Variants in SORCS3 observed in about 807,000 individuals in gnomAD.
SORCS3 encodes VPS10 domain-containing receptor SorCS3.
A neutral mutation model predicts 146.3 loss-of-function variants in SORCS3; 57 were observed. The ratio of observed to expected loss-of-function variants is 0.39; its 90% CI spans 0.31 to 0.49. SORCS3 has a LOEUF of 0.49. SORCS3 is among the 20% of genes least tolerant of loss of function. The pLI, the probability that SORCS3 is intolerant of heterozygous loss-of-function variation, is 0.92. For synonymous variants in SORCS3, 653 were observed against 618.5 expected, an observed-to-expected ratio of 1.06 and a Z score of -0.83; for missense variants, 1,341 against 1,575.5, an observed-to-expected ratio of 0.85 and a Z score of 2.52.
At chr10:105,164,272 G>A in intron 11 of SORCS3, 31 bp from the exon 12 acceptor site, 1 of 1,573,742 alleles carries the variant, frequency 6.4e-7, no homozygotes, top group Non-Finnish European at 8.7e-7. Context: ...GTAAACTCCT[G>A]ACAATCTCAA....
rs901250303 is a variant in SORCS3, at chr10:104,972,120, C to A, written c.796-5215C>A. The stretch of plus-strand genomic sequence containing the variant: ...TTGGGAAGTGGAGGCAGGCAGATCA[C>A]TTGAGGCCAGGAGTTCGAGACCAGC... On this transcript the variant is annotated intron_variant, in intron 3 of 26. Transcript: ENST00000369701. Among the ~76,000 whole-genome samples the A allele has an allele frequency of 2.0e-5, 3 of 152,222 alleles. No homozygotes were observed. In the South Asian group the frequency reaches 6.2e-4, roughly 32 times the overall value.
chr10:104,804,432 C>T (rs937570288), intron 1 of SORCS3, among the ~76,000 whole-genome samples: 5 of 152,148 alleles, frequency 3.3e-5, no homozygotes, highest in South Asian at 4.1e-4. Context: ...AGTTTTCTTC[C>T]TTCCTTATTC....
chr10:105,139,342 C>T, intron 7 of SORCS3, 55 bp from the exon 8 acceptor site: 2 of 1,325,726 alleles, frequency 1.5e-6, no homozygotes, highest in Non-Finnish European at 2.2e-6. Context: ...TACTTTCCAA[C>T]TTGTGCATGA....
intron 1 of SORCS3, among the ~76,000 whole-genome samples, chr10:104,652,126 G>A (rs1287056520): frequency 2.0e-5 from 3 of 151,784 alleles, no homozygotes; most frequent in Non-Finnish European, 2.9e-5. Flanking sequence ...TAAGGAGAGA[G>A]CCTGCAAGTA....
chr10:105,139,169 G>A (rs1458087507), intron 7 of SORCS3, among the ~76,000 whole-genome samples: 1 of 152,234 alleles, frequency 6.6e-6, no homozygotes, highest in African/African-American at 2.4e-5. Flanking sequence ...TTCTGAGGGA[G>A]AATCTGCCAG....
intron 3 of SORCS3, among the ~76,000 whole-genome samples, chr10:104,973,496 G>C (rs1013587424): frequency 4.2e-4 from 64 of 152,140 alleles, no homozygotes; most frequent in Admixed American, 1.5e-3. Context: ...GGTGTTTGTA[G>C]TATTCTCTGA....
intron 3 of SORCS3, among the ~76,000 whole-genome samples, chr10:104,956,565 T>C (rs1479050020): frequency 6.6e-6 from 1 of 152,066 alleles, no homozygotes; most frequent in Admixed American, 6.6e-5. Flanking sequence ...CATCATCTCC[T>C]CTCAACCCAC....
chr10:105,190,753 T>G (rs1253953423), intron 14 of SORCS3, among the ~76,000 whole-genome samples: 1 of 152,144 alleles, frequency 6.6e-6, no homozygotes, highest in African/African-American at 2.4e-5. Flanking sequence ...GATCTACTGT[T>G]TGCAAAGTCT....
chr10:105,153,470 A>T (rs1337360196), intron 9 of SORCS3, among the ~76,000 whole-genome samples: 1 of 152,154 alleles, frequency 6.6e-6, no homozygotes, highest in Non-Finnish European at 1.5e-5. Flanking sequence ...TAGGAGTAGG[A>T]TTGCTGAGTT....
At chr10:104,995,288 T>A (rs2055018535) in intron 4 of SORCS3, among the ~76,000 whole-genome samples, 2 of 151,854 alleles carry the variant, frequency 1.3e-5, no homozygotes, top group South Asian at 4.2e-4. Flanking sequence ...GCCTCCTGAG[T>A]AGCTGGGATC....
At chr10:104,764,018 A>G (rs1376399156) in intron 1 of SORCS3, among the ~76,000 whole-genome samples, 1 of 94,514 alleles carries the variant, frequency 1.1e-5, no homozygotes, top group Admixed American at 1.1e-4. Context: ...TTTTTTTTTT[A>G]ATGAATTACC....
intron 1 of SORCS3, chr10:104,822,160 A>G: frequency 2.0e-6 from 1 of 508,414 alleles, no homozygotes; most frequent in Non-Finnish European, 3.9e-6. Context: ...CTGTATCTGT[A>G]TCTGACAGTC....
In SORCS3 at chr10:105,044,686, G is replaced by GTT. The variant is rs113560691; in HGVS notation, c.1028+1568_1028+1569dup. Among the ~76,000 whole-genome samples the GTT allele has an allele frequency of 5.1e-3, 737 of 145,534 alleles. 7 individuals are homozygous for GTT. The highest frequency in any genetic ancestry group is 0.017 in the African/African-American group (696 of 40,066). Reference sequence around the variant, plus strand: ...CTAAGCATTCTATGAAAAATCAACTGTTTTTTTTTTTGTTTTGTTGTTTTG... The same window carrying GTT: ...CTAAGCATTCTATGAAAAATCAACTGTTTTTTTTTTTTTGTTTTGTTGTTTTG... On this transcript the variant is annotated intron_variant, in intron 5 of 26. Coordinates refer to ENST00000369701, the MANE Select transcript of SORCS3 (RefSeq NM_014978.3).
At position 104,967,509 on chromosome 10, in the gene SORCS3, A is replaced by T. The variant is rs2133639873; in HGVS notation, c.796-9826A>T. On this transcript the variant is annotated intron_variant, in intron 3 of 26. Transcript: ENST00000369701. ...TGTGACTGAAATTTTATAACCATTGAACAGCAACTCCTCAGTCCCCTTTAT... is the reference window on the plus strand; with the variant it reads ...TGTGACTGAAATTTTATAACCATTGTACAGCAACTCCTCAGTCCCCTTTAT... Among the ~76,000 whole-genome samples the T allele has an allele frequency of 2.0e-5, 3 of 152,212 alleles. No homozygotes were observed. The South Asian group carries it at 6.2e-4, about 32-fold the overall frequency.
At chr10:104,765,909 G>T (rs1439385625) in intron 1 of SORCS3, among the ~76,000 whole-genome samples, 1 of 152,182 alleles carries the variant, frequency 6.6e-6, no homozygotes, top group Admixed American at 6.5e-5. Flanking sequence ...TGGCTCCAGG[G>T]TCTGTGTTTT....
intron 20 of SORCS3, among the ~76,000 whole-genome samples, chr10:105,237,149 C>A (rs113730490): frequency 1.3e-5 from 2 of 152,010 alleles, no homozygotes; most frequent in African/African-American, 4.8e-5. Context: ...GTTTTGTTCC[C>A]AAAGAACCAA....
At chr10:104,760,452 T>G (rs527559985) in intron 1 of SORCS3, among the ~76,000 whole-genome samples, 1 of 152,204 alleles carries the variant, frequency 6.6e-6, no homozygotes, top group South Asian at 2.1e-4. Flanking sequence ...CAAACACAAT[T>G]CAGAGACACC....
Position 104,915,823 on chromosome 10 carries a change from T to C in SORCS3, c.696-10T>C, listed in dbSNP as rs113698195. On this transcript the variant is annotated splice_polypyrimidine_tract_variant and intron_variant, in intron 2 of 26. Coordinates refer to ENST00000369701, the MANE Select transcript of SORCS3 (RefSeq NM_014978.3). ...GATCTCTCCCTCTCTGTTTTCTCTT[T>C]TACCTGCAGGTCGACAGATTATGGC... 11 of 1,613,232 alleles carry C rather than the reference T, an allele frequency of 6.8e-6. No individual in the cohort carries two copies. Among genetic ancestry groups the C allele is most frequent in the African/African-American group, 1.3e-5 (1 of 74,886 alleles).
rs114163989 is a variant in SORCS3, at chr10:105,071,064, T to C, written c.1029-18711T>C. ...ATTCCCCTTCTGGGCTGTGTTTCCA[T>C]TTGGAGAGTGTAGGACTCCTGGAAG... On this transcript the variant is annotated intron_variant, in intron 5 of 26. Transcript: ENST00000369701. 1.0e-3 allele frequency among the ~76,000 whole-genome samples: 159 copies of C among 152,250 alleles called. 1 individual carries two copies. Among genetic ancestry groups the C allele is most frequent in the African/African-American group, 3.4e-3 (142 of 41,564 alleles).
Sources: allele counts gnomAD v4.1 joint callset (sites outside exome capture counted in the v4.1 genomes callset), GRCh38; gene constraint gnomAD v4.1.1; transcripts MANE v1.5; gene names NCBI Gene and HGNC (gene_info 2026-07-23, HGNC 2026-07-21).